GSPT1: variants seen among roughly 807,000 people sequenced by gnomAD.
The protein encoded by GSPT1 is G1 to S phase transition 1, also known as eukaryotic peptide chain release factor GTP-binding subunit ERF3A.
Under a neutral mutation model 72.5 loss-of-function variants are expected in GSPT1, and 20 were observed. That is an observed-to-expected ratio of 0.28 (90% CI 0.19 to 0.40). GSPT1 has a LOEUF of 0.40. Among genes scored for constraint, GSPT1 ranks in the 10% least tolerant of loss-of-function variants. The pLI is 1.00. For synonymous variants in GSPT1, 334 were observed against 293.5 expected (o/e 1.14, Z -1.41); for missense variants, 580 against 811.9 (o/e 0.71, Z 3.47).
At chr16:11,889,772 C>A (rs1462382185) in intron 6 of GSPT1, among the ~76,000 whole-genome samples, 1 of 151,782 alleles carries the variant, frequency 6.6e-6, no homozygotes, top group Non-Finnish European at 1.5e-5. Flanking sequence ...TCCCAAAGCG[C>A]TGGGATTACA....
chr16:11,899,997 C>T (rs1010093453), intron 1 of GSPT1, among the ~76,000 whole-genome samples: 7 of 152,156 alleles, frequency 4.6e-5, no homozygotes. Context: ...ACAAATGTGT[C>T]TCCATCTGCT....
chr16:11,896,532 C>T (rs776898530), intron 4 of GSPT1, 26 bp downstream of exon 4: 21 of 1,308,038 alleles, frequency 1.6e-5, no homozygotes, highest in Non-Finnish European at 2.3e-5. Flanking sequence ...TATCCAGTAA[C>T]TTTAATTGCT....
chr16:11,875,975 A>C, intron 13 of GSPT1, 46 bp from the exon 14 acceptor site: 5 of 1,552,102 alleles, frequency 3.2e-6, no homozygotes, highest in Non-Finnish European at 4.4e-6. Context: ...TGCCAAATAA[A>C]ATAATCTTTA....
chr16:11,908,161 G>C (rs1404376735), intron 1 of GSPT1: 1 of 152,516 alleles, frequency 6.6e-6, no homozygotes, highest in South Asian at 2.1e-4. Context: ...AGAATCGCTT[G>C]AACCAGGAAG....
rs1300848666 is a variant in GSPT1 at position 11,868,363 on chromosome 16, T to G, written c.*4756A>C. The G allele has an allele frequency of 6.6e-6, 1 of 151,376 alleles. No individual in the cohort carries two copies. The highest frequency in any genetic ancestry group is 2.4e-5 in the African/African-American group (1 of 41,196). The allele number at this position is 151,376 out of a possible 1,614,324, so 9.4% of individuals were successfully genotyped here. A position where few individuals can be genotyped will look rare whatever the true frequency, so the allele number is the denominator to read the frequency against. On this transcript the variant is annotated 3_prime_UTR_variant, in exon 15 of 15. Coordinates refer to ENST00000434724, the MANE Select transcript of GSPT1 (RefSeq NM_002094.4). ...TGATCAGTTCCCTTTAATCCTGTTT[T>G]TTTTTTTTTTTTTTAAATGAGATCT...
chr16:11,898,022 G>A lies in GSPT1; in HGVS notation c.366C>T (p.Ser122=), dbSNP rs1411756872. The A allele has an allele frequency of 6.5e-7, 1 of 1,545,716 alleles. No individual in the cohort carries two copies. Among genetic ancestry groups the A allele is most frequent in the East Asian group, 2.4e-5 (1 of 41,544 alleles). Residue 122 remains serine, a synonymous_variant, in exon 2 of 15, where the codon TCC becomes TCT. Coordinates refer to ENST00000434724, the MANE Select transcript of GSPT1 (RefSeq NM_002094.4). ...CACACAATGACTGTTCCTCTTGAGA[G>A]GATTCCACAGGTGCTGTTTAACAGA... is the stretch of plus-strand genomic sequence containing the variant. ...GAGGRAAPVE[S]SQEEQSLCEG...
chr16:11,901,618 A>AC (rs1555505375), intron 1 of GSPT1, among the ~76,000 whole-genome samples: 95 of 112,950 alleles, frequency 8.4e-4, no homozygotes, highest in Middle Eastern at 4.2e-3. Context: ...TCCACACACA[A>AC]AAATATATAT....
At chr16:11,883,382 G>A (rs2054145113) in intron 10 of GSPT1, among the ~76,000 whole-genome samples, 1 of 145,738 alleles carries the variant, frequency 6.9e-6, no homozygotes, top group African/African-American at 2.5e-5. Flanking sequence ...GGGAGGTGGA[G>A]GTGGGTGGAC....
intron 1 of GSPT1, among the ~76,000 whole-genome samples, chr16:11,906,138 G>C (rs1194911346): frequency 2.6e-5 from 4 of 151,866 alleles, no homozygotes. Context: ...CTGGAGTGCA[G>C]TGGCACAATC....
In GSPT1 at chr16:11,890,163, T is replaced by C. The variant is rs533362747; in HGVS notation, c.776+899A>G. Among the ~76,000 whole-genome samples the C allele has an allele frequency of 5.7e-3, 862 of 151,816 alleles. 12 individuals carry two copies. The highest frequency in any genetic ancestry group is 0.02 in the African/African-American group (811 of 41,392). ...TTTTAGTAGAGACGGGGTTTCACCA[T>C]GTTAGCCAGGATGGTCTCGATCTCC... On this transcript the variant is annotated intron_variant, in intron 6 of 14. Coordinates refer to ENST00000434724, the MANE Select transcript of GSPT1 (RefSeq NM_002094.4).
At chr16:11,884,194 T>G (rs1409413108) in intron 10 of GSPT1, among the ~76,000 whole-genome samples, 1 of 152,174 alleles carries the variant, frequency 6.6e-6, no homozygotes, top group Non-Finnish European at 1.5e-5. Context: ...GAACATCCAG[T>G]GCTGGTGAGG....
chr16:11,911,518 TG>T (rs2054556108), intron 1 of GSPT1, among the ~76,000 whole-genome samples: 1 of 150,744 alleles, frequency 6.6e-6, no homozygotes, highest in Non-Finnish European at 1.5e-5. Flanking sequence ...CCCAAGTAGC[TG>T]GGACTACAGG....
intron 5 of GSPT1, among the ~76,000 whole-genome samples, chr16:11,894,455 G>T (rs1050981350): frequency 6.6e-6 from 1 of 152,064 alleles, no homozygotes; most frequent in African/African-American, 2.4e-5. Flanking sequence ...AGGAGCTGAT[G>T]AATGAGGAAA....
At chr16:11,887,837 A>AC in intron 6 of GSPT1, 87 bp from the exon 7 acceptor site, 1 of 858,432 alleles carries the variant, frequency 1.2e-6, no homozygotes, top group South Asian at 1.7e-5. Context: ...ATAATGGATG[A>AC]CACACAACAC....
At position 11,886,874 on chromosome 16, in the gene GSPT1, T is replaced by C. The variant is rs575307701; in HGVS notation, c.1015A>G (p.Arg339Gly). 1 of 1,613,740 alleles carries C rather than the reference T, an allele frequency of 6.2e-7. No homozygotes were observed. Among genetic ancestry groups the C allele is most frequent in the East Asian group, 2.2e-5 (1 of 44,868 alleles). Reference sequence around the variant, plus strand: ...GTCTTTGCCAACATTGCATGTTCTCTTGTCTGTCCTCCTTTTTCAAATCCA... The same window carrying C: ...GTCTTTGCCAACATTGCATGTTCTCCTGTCTGTCCTCCTTTTTCAAATCCA... ...ETGFEKGGQTREHAMLAKTAG... is the reference protein window; with the variant it reads ...ETGFEKGGQTGEHAMLAKTAG... The change falls in exon 8 of 15, where the codon AGA (arginine) becomes GGA (glycine). Residue 339 changes from arginine to glycine, a missense_variant. Physicochemically the swap from Arg to Gly is moderately radical, Grantham distance 125. Coordinates refer to ENST00000434724, the MANE Select transcript of GSPT1 (RefSeq NM_002094.4).
chr16:11,916,364 G>A (rs1296901621), upstream of GSPT1, among the ~76,000 whole-genome samples: 2 of 152,218 alleles, frequency 1.3e-5, no homozygotes, highest in East Asian at 1.9e-4. Context: ...GGTCCACTCT[G>A]GCCTGCTGGA....
In GSPT1 at chr16:11,879,715, G is replaced by C. The variant is rs2054096492; in HGVS notation, c.1429-2135C>G. Among the ~76,000 whole-genome samples the C allele has an allele frequency of 2.0e-5, 3 of 148,104 alleles. No individual in the cohort carries two copies. In the South Asian group the frequency reaches 6.3e-4, roughly 31 times the overall value. ...GATCACACCACTGCACTCCAGCCTG[G>C]GCTACAGAGCGAGACTCCGTCTCAA... is the stretch of plus-strand genomic sequence containing the variant. On this transcript the variant is annotated intron_variant, in intron 11 of 14. Coordinates refer to ENST00000434724, the MANE Select transcript of GSPT1 (RefSeq NM_002094.4).
intron 1 of GSPT1, among the ~76,000 whole-genome samples, chr16:11,907,935 C>T (rs564465878): frequency 1.3e-5 from 2 of 152,328 alleles, no homozygotes; most frequent in South Asian, 4.1e-4. Flanking sequence ...TGAGCTACAA[C>T]CTAACTACTT....
In GSPT1 at chr16:11,871,889, T is replaced by C. The variant is rs950397481; in HGVS notation, c.*1230A>G. 5.3e-5 allele frequency: 8 copies of C among 152,160 alleles called. No individual in the cohort carries two copies. The highest frequency in any genetic ancestry group is 1.7e-4 in the African/African-American group (7 of 41,430). 9.4% of individuals were successfully genotyped at this position (152,160 alleles called of 1,614,324 possible). On this transcript the variant is annotated 3_prime_UTR_variant, in exon 15 of 15. Transcript: ENST00000434724. ...CCACACAATGCTGCACTGTGGTTCA[T>C]CAAAAACATGGTTAGCAAATTTCAG...
Sources: gnomAD v4.1 joint callset for allele counts (sites outside exome capture counted in the v4.1 genomes callset) on GRCh38, gnomAD v4.1.1 for gene constraint, MANE v1.5 for transcripts, NCBI Gene and HGNC (gene_info 2026-07-23, HGNC 2026-07-21) for gene names.